The following KMT2C variants were observed in gnomAD, a reference collection of about 807,000 sequenced individuals.
The protein encoded by KMT2C is lysine methyltransferase 2C.
A neutral mutation model predicts 507.9 loss-of-function variants in KMT2C; 88 were observed. The observed-to-expected ratio is 0.17, with a 90% CI of 0.15 to 0.21. The LOEUF is 0.21. KMT2C is among the 10% of genes least tolerant of loss of function. The probability of loss-of-function intolerance (pLI) is 1.00; values close to 1 mark genes in which losing one functional copy is unlikely to be tolerated. For missense variants in KMT2C, 4,954 were observed against 5,957.8 expected, an observed-to-expected ratio of 0.83 and a Z score of 5.55; for synonymous variants, 2,049 against 2,080.8, an observed-to-expected ratio of 0.98 and a Z score of 0.42.
At chr7:152,307,724 C>A (rs981866340) in intron 6 of KMT2C, among the ~76,000 whole-genome samples, 13 of 152,332 alleles carry the variant, frequency 8.5e-5, no homozygotes, top group African/African-American at 3.1e-4. Flanking sequence ...AAAATGGTAA[C>A]TTCTGTCCAA....
intron 8 of KMT2C, among the ~76,000 whole-genome samples, chr7:152,264,640 T>C (rs772053637): frequency 1.3e-4 from 20 of 152,134 alleles, no homozygotes; most frequent in Non-Finnish European, 2.5e-4. Flanking sequence ...GACGTTTAAA[T>C]CCTATTAAAT....
chr7:152,153,413 CAG>C (rs1271079357), intron 48 of KMT2C, among the ~76,000 whole-genome samples: 1 of 152,056 alleles, frequency 6.6e-6, no homozygotes, highest in Non-Finnish European at 1.5e-5. Context: ...TCACAGAATT[CAG>C]AGTTAAAAAA....
At chr7:152,241,450 A>G (rs1486581023) in intron 14 of KMT2C, among the ~76,000 whole-genome samples, 2 of 152,282 alleles carry the variant, frequency 1.3e-5, no homozygotes, top group Non-Finnish European at 2.9e-5. Context: ...TTGGCATCCC[A>G]AAGTGCTGGG....
chr7:152,364,551 G>A (rs1057071359), intron 1 of KMT2C, among the ~76,000 whole-genome samples: 3 of 149,616 alleles, frequency 2.0e-5, no homozygotes, highest in East Asian at 1.9e-4. Flanking sequence ...GGAGACTGCA[G>A]TGAGCCGAGA....
chr7:152,221,111 G>T (rs754650441), intron 22 of KMT2C, among the ~76,000 whole-genome samples: 2 of 152,114 alleles, frequency 1.3e-5, no homozygotes, highest in Non-Finnish European at 2.9e-5. Flanking sequence ...CAACAAATTA[G>T]CCAGGCGTGG....
intron 2 of KMT2C, among the ~76,000 whole-genome samples, chr7:152,348,541 G>A (rs1727715378): frequency 6.9e-6 from 1 of 144,740 alleles, no homozygotes; most frequent in Admixed American, 7.1e-5. Flanking sequence ...GGAGGCTGCA[G>A]TGAGCCGAGA....
chr7:152,181,104 T>C lies in KMT2C; in HGVS notation c.6756A>G (p.Gln2252=), dbSNP rs747926613. ...AAGCTGGTCCTCGGTTTTGTGCTGC[T>C]TGCAGGAAAGGATCCTGATTTGGCA... ...VLMPNQDPFL[Q]AAQNRGPALP... Residue 2252 remains glutamine (Q), a synonymous_variant, in exon 36 of 59, where the codon CAA becomes CAG. Transcript: ENST00000262189. 6.2e-6 allele frequency: 10 copies of C among 1,614,140 alleles called. No individual in the cohort carries two copies. The highest frequency in any genetic ancestry group is 2.2e-5 in the East Asian group (1 of 44,870).
At chr7:152,363,522 G>C (rs894325146) in intron 1 of KMT2C, among the ~76,000 whole-genome samples, 1 of 152,062 alleles carries the variant, frequency 6.6e-6, no homozygotes, top group African/African-American at 2.4e-5. Flanking sequence ...ACAAATATAA[G>C]AAACAACCTT....
intron 6 of KMT2C, among the ~76,000 whole-genome samples, chr7:152,308,751 C>A (rs1232997090): frequency 2.0e-5 from 3 of 150,196 alleles, no homozygotes; most frequent in African/African-American, 4.9e-5. Context: ...CTTTGAGAGG[C>A]CAAGAAGAGA....
rs1264581358 is a variant in KMT2C at position 152,171,349 on chromosome 7, A to C, written c.9375-7T>G. On this transcript the variant is annotated splice_polypyrimidine_tract_variant and splice_region_variant and intron_variant, in intron 39 of 58. Coordinates refer to ENST00000262189, the MANE Select transcript of KMT2C (RefSeq NM_170606.3). ...CTGGCCCATAAAAGGGAACCTGTCAAAACAGGGTACACAAGTATCAAGTGA... is the reference window on the plus strand; with the variant it reads ...CTGGCCCATAAAAGGGAACCTGTCACAACAGGGTACACAAGTATCAAGTGA... 1 of 1,589,338 alleles carries C rather than the reference A, an allele frequency of 6.3e-7. No individual in the cohort carries two copies. The highest frequency in any genetic ancestry group is 8.6e-7 in the Non-Finnish European group (1 of 1,162,800).
At chr7:152,348,220 A>C (rs1243963236) in intron 2 of KMT2C, among the ~76,000 whole-genome samples, 3 of 152,176 alleles carry the variant, frequency 2.0e-5, no homozygotes, top group Admixed American at 2.0e-4. Context: ...TATTGAACAC[A>C]CCCAGTTTGG....
At chr7:152,426,950 T>C (rs1033551835) in intron 1 of KMT2C, among the ~76,000 whole-genome samples, 2 of 152,184 alleles carry the variant, frequency 1.3e-5, no homozygotes, top group African/African-American at 4.8e-5. Flanking sequence ...AGTATTAAGC[T>C]TTTTTCTTTT....
rs530784428 is a variant in KMT2C at position 152,149,197 on chromosome 7, G to T, written c.12775-45C>A. On this transcript the variant is annotated intron_variant, in intron 51 of 58. Transcript: ENST00000262189. ...CATGACAAAGAAAAATAATTCACAA[G>T]CCCGGAAAGCAATTCTTGTTAAGAC... 42 of 1,441,186 alleles carry T rather than the reference G, an allele frequency of 2.9e-5. No individual in the cohort carries two copies. The South Asian group carries it at 4.0e-4, about 14-fold the overall frequency. 89.3% of individuals were successfully genotyped at this position (1,441,186 alleles called of 1,614,324 possible).
intron 1 of KMT2C, among the ~76,000 whole-genome samples, chr7:152,365,212 C>T (rs2097231932): frequency 2.0e-5 from 3 of 152,216 alleles, no homozygotes; most frequent in South Asian, 4.1e-4. Flanking sequence ...AAAAAGTATC[C>T]TTCAAAAGCA....
chr7:152,314,023 T>G (rs2096699011), intron 4 of KMT2C, among the ~76,000 whole-genome samples: 1 of 152,112 alleles, frequency 6.6e-6, no homozygotes, highest in South Asian at 2.1e-4. Context: ...TTGCTGGCCT[T>G]TTGATTATTT....
intron 23 of KMT2C, among the ~76,000 whole-genome samples, chr7:152,217,594 C>T (rs1343436620): frequency 2.0e-5 from 3 of 152,114 alleles, no homozygotes; most frequent in African/African-American, 7.2e-5. Context: ...ACTAAACAAT[C>T]TTTTTTCATA....
chr7:152,166,970 T>A (rs1184867085), intron 42 of KMT2C, among the ~76,000 whole-genome samples, 176 bp downstream of exon 42: 1 of 152,250 alleles, frequency 6.6e-6, no homozygotes, highest in Non-Finnish European at 1.5e-5. Flanking sequence ...AGACTGGAGC[T>A]GTTATGGCTG....
At chr7:152,287,924 T>C (rs1474570423) in intron 6 of KMT2C, among the ~76,000 whole-genome samples, 6 of 146,968 alleles carry the variant, frequency 4.1e-5, no homozygotes, top group Non-Finnish European at 7.4e-5. Context: ...CTCAGGAGGC[T>C]GAGGCATGAG....
In KMT2C at chr7:152,336,791, A is replaced by C. The variant is rs566193724; in HGVS notation, c.251-6052T>G. The stretch of plus-strand genomic sequence containing the variant: ...GTGTGGTATTTTTCTTGAATATAAA[A>C]TCCCTAATATATCTTTTCCCTTACT... On this transcript the variant is annotated intron_variant, in intron 2 of 58. Coordinates refer to ENST00000262189, the MANE Select transcript of KMT2C (RefSeq NM_170606.3). 3.9e-5 allele frequency among the ~76,000 whole-genome samples: 6 copies of C among 152,326 alleles called. No homozygotes were observed. The East Asian group carries it at 9.6e-4, about 24-fold the overall frequency.
Sources: gnomAD v4.1 joint callset for allele counts (sites outside exome capture counted in the v4.1 genomes callset) on GRCh38, gnomAD v4.1.1 for gene constraint, MANE v1.5 for transcripts, NCBI Gene and HGNC (gene_info 2026-07-23, HGNC 2026-07-21) for gene names.